Variants in TMEM63A observed in about 807,000 individuals in gnomAD.
TMEM63A encodes mechanosensitive cation channel TMEM63A.
Under a neutral mutation model 100.6 loss-of-function variants are expected in TMEM63A, and 76 were observed. The observed-to-expected ratio is 0.76, with a 90% CI of 0.63 to 0.91. The LOEUF is 0.91. TMEM63A is among the 40% of genes least tolerant of loss of function. The probability of loss-of-function intolerance (pLI) is 0.00; values close to 1 mark genes in which losing one functional copy is unlikely to be tolerated. For missense variants in TMEM63A, 876 were observed against 1,008.8 expected, an observed-to-expected ratio of 0.87 and a Z score of 1.78; for synonymous variants, 401 against 401.1, an observed-to-expected ratio of 1.00 and a Z score of 0.00.
At position 225,845,631 on chromosome 1, in the gene TMEM63A, G is replaced by T. The variant is rs945591111; in HGVS notation, c.*1308C>A. 1 of 517,594 alleles carries T rather than the reference G, an allele frequency of 1.9e-6. No individual in the cohort carries two copies. The highest frequency in any genetic ancestry group is 3.2e-5 in the Admixed American group (1 of 31,046). 32.1% of individuals were successfully genotyped at this position (517,594 alleles called of 1,614,324 possible). Reference sequence around the variant, plus strand: ...GGGGCCCCCTGTGCAAGCAGAGCTGGCCGGCCCCTCCTTGCTGGCAGAGGC... The same window carrying T: ...GGGGCCCCCTGTGCAAGCAGAGCTGTCCGGCCCCTCCTTGCTGGCAGAGGC... On this transcript the variant is annotated 3_prime_UTR_variant, in exon 25 of 25. Coordinates refer to ENST00000366835, the MANE Select transcript of TMEM63A (RefSeq NM_014698.3).
chr1:225,880,114 T>G (rs1295544453), intron 1 of TMEM63A, among the ~76,000 whole-genome samples: 1 of 152,266 alleles, frequency 6.6e-6, no homozygotes, highest in East Asian at 1.9e-4. Context: ...TTGACAAAGT[T>G]TGATATGAAC....
At chr1:225,847,948 C>T (rs1669102958) in intron 23 of TMEM63A, among the ~76,000 whole-genome samples, 1 of 152,180 alleles carries the variant, frequency 6.6e-6, no homozygotes, top group African/African-American at 2.4e-5. Flanking sequence ...TCTGCTTTCC[C>T]TTCCCAGCCC....
At chr1:225,866,804 G>C in intron 8 of TMEM63A, 122 bp from the exon 9 acceptor site, 3 of 855,668 alleles carry the variant, frequency 3.5e-6, no homozygotes, top group Non-Finnish European at 5.6e-6. Context: ...CACTGCAAGA[G>C]ATGCCTCCCA....
In TMEM63A at chr1:225,862,595, G is replaced by T. The variant is rs562636981; in HGVS notation, c.828-17C>A. ...GTCTTCTTTCTGTAGGGGTGGGAGCGGGGGCACAAACCTCAGATTTAGAAT... is the reference window on the plus strand; with the variant it reads ...GTCTTCTTTCTGTAGGGGTGGGAGCTGGGGCACAAACCTCAGATTTAGAAT... On this transcript the variant is annotated splice_polypyrimidine_tract_variant and intron_variant, in intron 11 of 24. Coordinates refer to ENST00000366835, the MANE Select transcript of TMEM63A (RefSeq NM_014698.3). This position sits in a 1 kb window ranked among gnomAD's most constrained non-coding sequence, Gnocchi z 5.1. The T allele has an allele frequency of 6.2e-7, 1 of 1,610,376 alleles. No homozygotes were observed. Among genetic ancestry groups the T allele is most frequent in the Non-Finnish European group, 8.5e-7 (1 of 1,178,064 alleles).
intron 10 of TMEM63A, chr1:225,864,006 T>C (rs1450258245): frequency 1.3e-5 from 2 of 150,178 alleles, no homozygotes; most frequent in African/African-American, 2.4e-5. Flanking sequence ...TTAATCCTCA[T>C]CATAACCTGT....
At chr1:225,854,189 G>C (rs1669497733) in intron 18 of TMEM63A, among the ~76,000 whole-genome samples, 1 of 152,204 alleles carries the variant, frequency 6.6e-6, no homozygotes. Context: ...CCAAACCTGG[G>C]AAGACAGGAT....
intron 10 of TMEM63A, among the ~76,000 whole-genome samples, chr1:225,863,767 A>C (rs984160304): frequency 6.6e-6 from 1 of 151,886 alleles, no homozygotes; most frequent in Non-Finnish European, 1.5e-5. Context: ...AAATACAAAA[A>C]TTAGCCAGGT....
intron 13 of TMEM63A, chr1:225,861,838 G>A (rs1174288345): frequency 2.1e-5 from 5 of 236,852 alleles, no homozygotes; most frequent in Non-Finnish European, 4.2e-5. Flanking sequence ...ACAGACAGAA[G>A]GATCTGTGGC....
At chr1:225,859,377 C>G in intron 14 of TMEM63A, 28 bp from the exon 15 acceptor site, 1 of 1,611,846 alleles carries the variant, frequency 6.2e-7, no homozygotes, top group African/African-American at 1.3e-5. Context: ...ATACAGGTCT[C>G]GAGGCTTGTC....
At chr1:225,844,503 T>TCTC, downstream of TMEM63A, 12 of 1,613,998 alleles carry the variant, frequency 7.4e-6, no homozygotes, top group Non-Finnish European at 1.0e-5. Flanking sequence ...CCCAGGAAGT[T>TCTC]CTCCCTGGAC....
rs1670301960 is a variant in TMEM63A, at chr1:225,868,038, A to C, written c.372-8T>G. The C allele has an allele frequency of 6.2e-7, 1 of 1,614,034 alleles. No homozygotes were observed. The highest frequency in any genetic ancestry group is 8.5e-7 in the Non-Finnish European group (1 of 1,179,988). ...TCCAGGATCTGGTCATCACTGGCCA[A>C]GACACAGAGGAATCTTAATGAGCAG... On this transcript the variant is annotated splice_polypyrimidine_tract_variant and splice_region_variant and intron_variant, in intron 6 of 24. Transcript: ENST00000366835.
intron 14 of TMEM63A, chr1:225,860,516 A>G: frequency 5.2e-6 from 1 of 193,388 alleles, no homozygotes; most frequent in Non-Finnish European, 1.0e-5. Context: ...GCATGTTGAA[A>G]TAACAGTTTG....
chr1:225,880,176 G>A (rs1179301807), intron 1 of TMEM63A, among the ~76,000 whole-genome samples: 1 of 152,194 alleles, frequency 6.6e-6, no homozygotes, highest in Non-Finnish European at 1.5e-5. Context: ...GTAAGGTCAG[G>A]TGGCCAGTCC....
downstream of TMEM63A, among the ~76,000 whole-genome samples, chr1:225,842,839 C>T (rs1668542713): frequency 6.6e-6 from 1 of 152,208 alleles, no homozygotes; most frequent in Non-Finnish European, 1.5e-5. Context: ...ATCAGGGTCA[C>T]GTGACTGCGT....
In TMEM63A at chr1:225,882,033, GGAA is replaced by G. The variant is rs889086581; in HGVS notation, c.-206+268_-206+270del. On this transcript the variant is annotated intron_variant, in intron 1 of 24. Coordinates refer to ENST00000366835, the MANE Select transcript of TMEM63A (RefSeq NM_014698.3). ...CGACAAATCCCAAAGAGAGGGGTGGGGAAGAAGGAGATACCAGCCCTGAAAGCG... is the reference window on the plus strand; with the variant it reads ...CGACAAATCCCAAAGAGAGGGGTGGGGAAGGAGATACCAGCCCTGAAAGCG... Among the ~76,000 whole-genome samples, 9 of 152,358 alleles carry G rather than the reference GGAA, an allele frequency of 5.9e-5. 1 individual carries two copies. The highest frequency in any genetic ancestry group is 1.9e-4 in the East Asian group (1 of 5,186).
chr1:225,842,355 C>T (rs377337815), downstream of TMEM63A: 29 of 1,595,160 alleles, frequency 1.8e-5, no homozygotes, highest in African/African-American at 2.6e-4. Flanking sequence ...TTGCTCCCCG[C>T]TCCCCGCCAG....
chr1:225,852,863 G>A, intron 19 of TMEM63A, 94 bp from the exon 20 acceptor site: 1 of 1,125,236 alleles, frequency 8.9e-7, no homozygotes, highest in Non-Finnish European at 1.3e-6. Context: ...CAGGGTGGAG[G>A]AGGACTTTGG....
In TMEM63A at chr1:225,866,614, C is replaced by T. The variant is rs368334549; in HGVS notation, c.635G>A (p.Arg212Gln). 6.8e-6 allele frequency: 11 copies of T among 1,613,894 alleles called. No individual in the cohort carries two copies. The highest frequency in any genetic ancestry group is 1.7e-5 in the Admixed American group (1 of 59,996). The change falls in exon 9 of 25, where the codon CGG becomes CAG. Residue 212 changes from arginine (R) to glutamine (Q), a missense_variant. By Grantham distance (43) the Arg-to-Gln change is conservative. Transcript: ENST00000366835. ...IYLFLTVGFM[R>Q]HHTQSIKYKE... ...GTACTTAATGGACTGAGTGTGGTGCCGCATGAAACCCACAGTGAGGAAGAG... is the reference window on the plus strand; with the variant it reads ...GTACTTAATGGACTGAGTGTGGTGCTGCATGAAACCCACAGTGAGGAAGAG...
At chr1:225,870,398 A>G (rs985184363) in intron 6 of TMEM63A, among the ~76,000 whole-genome samples, 2 of 150,492 alleles carry the variant, frequency 1.3e-5, no homozygotes, top group Admixed American at 6.6e-5. Flanking sequence ...TCTTAGATTC[A>G]ATGGAATATG....
Sources: allele counts gnomAD v4.1 joint callset (sites outside exome capture counted in the v4.1 genomes callset), GRCh38; gene constraint gnomAD v4.1.1; non-coding constraint Gnocchi (gnomAD v3.1); transcripts MANE v1.5; gene names NCBI Gene and HGNC (gene_info 2026-07-23, HGNC 2026-07-21).